The following ZCCHC7 variants were observed in gnomAD, a reference collection of about 807,000 sequenced individuals.
The protein encoded by ZCCHC7 is zinc finger CCHC-type containing 7.
Under a neutral mutation model 52.0 loss-of-function variants are expected in ZCCHC7, and 35 were observed. That is an observed-to-expected ratio of 0.67 (90% confidence interval 0.51 to 0.89). The LOEUF (loss-of-function observed/expected upper bound fraction) is 0.89, where lower values mean the gene tolerates loss of function less well. ZCCHC7 is among the 40% of genes least tolerant of loss of function. The pLI is 0.00. For missense variants in ZCCHC7, 574 were observed against 649.1 expected (o/e 0.88, Z 1.26); for synonymous variants, 217 against 221.5 (o/e 0.98, Z 0.18).
intron 2 of ZCCHC7, among the ~76,000 whole-genome samples, chr9:37,138,431 A>G (rs1033813101): frequency 1.3e-5 from 2 of 152,178 alleles, no homozygotes; most frequent in Non-Finnish European, 2.9e-5. Context: ...GATCAGCAAC[A>G]TAGGGAGGCA....
intron 2 of ZCCHC7, among the ~76,000 whole-genome samples, chr9:37,212,026 C>CAAAAAAAAAAAAAAAAAAAAAAAAAAAA (rs574190937): frequency 1.8e-5 from 1 of 55,426 alleles, no homozygotes; most frequent in African/African-American, 6.2e-5. Flanking sequence ...GACTCCGTCT[C>CAAAAAAAAAAAAAAAAAAAAAAAAAAAA]AAAAAAAAAA....
At chr9:37,175,719 C>T (rs1821986175) in intron 2 of ZCCHC7, among the ~76,000 whole-genome samples, 1 of 152,118 alleles carries the variant, frequency 6.6e-6, no homozygotes, top group Non-Finnish European at 1.5e-5. Flanking sequence ...CCAGCCTGGA[C>T]AACAGAGTGA....
intron 2 of ZCCHC7, among the ~76,000 whole-genome samples, chr9:37,209,046 AT>A (rs1389275149): frequency 9.5e-5 from 14 of 147,208 alleles, no homozygotes; most frequent in Admixed American, 1.4e-4. Flanking sequence ...TACAACCGCA[AT>A]TTTTTTTTTT....
At chr9:37,132,886 C>T (rs373057175) in intron 2 of ZCCHC7, among the ~76,000 whole-genome samples, 6 of 152,324 alleles carry the variant, frequency 3.9e-5, no homozygotes, top group Admixed American at 2.6e-4. Flanking sequence ...CGCCTGTAAT[C>T]CCGGCACTTT....
At chr9:37,336,340 C>G (rs1830657293) in intron 6 of ZCCHC7, among the ~76,000 whole-genome samples, 1 of 152,144 alleles carries the variant, frequency 6.6e-6, no homozygotes, top group African/African-American at 2.4e-5. Flanking sequence ...ATGTTTGTTC[C>G]TTGTTTTAAG....
chr9:37,127,082 A>C, intron 2 of ZCCHC7, 140 bp downstream of exon 2: 1 of 1,001,402 alleles, frequency 1.0e-6, no homozygotes, highest in South Asian at 1.6e-5. Flanking sequence ...TTCTCATGCG[A>C]CTCTCTTACC....
chr9:37,289,837 T>A (rs1214874713), intron 2 of ZCCHC7, among the ~76,000 whole-genome samples: 1 of 152,238 alleles, frequency 6.6e-6, no homozygotes, highest in Non-Finnish European at 1.5e-5. Flanking sequence ...CTCCGGTTCC[T>A]TAAACACATC....
At chr9:37,139,906 A>G (rs77875457) in intron 2 of ZCCHC7, among the ~76,000 whole-genome samples, 12,959 of 151,922 alleles carry the variant, frequency 0.085, 759 homozygotes, top group Middle Eastern at 0.16. Context: ...ACTCTTGAAA[A>G]CTTTTCAATA....
chr9:37,151,952 G>C (rs1227446422), intron 2 of ZCCHC7, among the ~76,000 whole-genome samples: 2 of 152,042 alleles, frequency 1.3e-5, no homozygotes, highest in Admixed American at 1.3e-4. Flanking sequence ...TTTTGGCATT[G>C]TATTTCCTCA....
intron 2 of ZCCHC7, among the ~76,000 whole-genome samples, chr9:37,170,960 A>T (rs1821695523): frequency 6.6e-6 from 1 of 152,224 alleles, no homozygotes; most frequent in African/African-American, 2.4e-5. Flanking sequence ...TAGAAAAACC[A>T]GGGAGTTTTT....
intron 2 of ZCCHC7, among the ~76,000 whole-genome samples, chr9:37,234,505 G>A (rs1041885040): frequency 2.0e-5 from 3 of 152,210 alleles, no homozygotes; most frequent in Non-Finnish European, 2.9e-5. Flanking sequence ...TTGGATGGGT[G>A]TGAATGGTGT....
At chr9:37,355,760 A>T (rs1291071397) in intron 8 of ZCCHC7, among the ~76,000 whole-genome samples, 1 of 152,210 alleles carries the variant, frequency 6.6e-6, no homozygotes, top group African/African-American at 2.4e-5. Context: ...TGTATTTTCA[A>T]TCCTCATTTG....
At chr9:37,183,219 A>G (rs1315974384) in intron 2 of ZCCHC7, among the ~76,000 whole-genome samples, 2 of 152,162 alleles carry the variant, frequency 1.3e-5, no homozygotes, top group African/African-American at 4.8e-5. Context: ...ACATCTCTTT[A>G]TTTAATACAT....
intron 6 of ZCCHC7, among the ~76,000 whole-genome samples, chr9:37,342,146 G>A (rs1416047466): frequency 6.6e-6 from 1 of 152,168 alleles, no homozygotes; most frequent in Non-Finnish European, 1.5e-5. Flanking sequence ...ATTGGACCAG[G>A]ACAGTACTGG....
chr9:37,326,398 T>A (rs1342140540), intron 5 of ZCCHC7, among the ~76,000 whole-genome samples: 5 of 151,770 alleles, frequency 3.3e-5, no homozygotes, highest in Admixed American at 1.3e-4. Context: ...TGGGTTTTTT[T>A]AGTAAGACAC....
intron 2 of ZCCHC7, among the ~76,000 whole-genome samples, chr9:37,226,874 C>T (rs995476956): frequency 2.0e-5 from 3 of 151,704 alleles, no homozygotes; most frequent in Admixed American, 6.6e-5. Context: ...ACTAAAAATC[C>T]AAAAATTAGC....
At chr9:37,225,879 C>G (rs1825072770) in intron 2 of ZCCHC7, among the ~76,000 whole-genome samples, 1 of 152,204 alleles carries the variant, frequency 6.6e-6, no homozygotes, top group South Asian at 2.1e-4. Context: ...GAAGACAAGA[C>G]AGTCCCTTCT....
In ZCCHC7 at chr9:37,327,962, C is replaced by T. The variant is rs1054762925; in HGVS notation, c.987+128C>T. 3.6e-5 allele frequency: 35 copies of T among 967,064 alleles called. No homozygotes were observed. In the East Asian group the frequency reaches 4.1e-4, roughly 11 times the overall value. 59.9% of individuals were successfully genotyped at this position (967,064 alleles called of 1,614,324 possible). On this transcript the variant is annotated intron_variant, in intron 6 of 8. Coordinates refer to ENST00000336755, the MANE Select transcript of ZCCHC7 (RefSeq NM_032226.3). ...AATAAACATCTGAAGAGTTTTTGTACGGAGAAAGCAATAATACACTTTTTC... is the reference window on the plus strand; with the variant it reads ...AATAAACATCTGAAGAGTTTTTGTATGGAGAAAGCAATAATACACTTTTTC...
At chr9:37,223,731 T>C (rs1366363532) in intron 2 of ZCCHC7, among the ~76,000 whole-genome samples, 1 of 152,072 alleles carries the variant, frequency 6.6e-6, no homozygotes, top group Non-Finnish European at 1.5e-5. Flanking sequence ...TAAGGAATAA[T>C]AGAGTGTATG....
Sources: allele counts gnomAD v4.1 joint callset (sites outside exome capture counted in the v4.1 genomes callset), GRCh38; gene constraint gnomAD v4.1.1; transcripts MANE v1.5; gene names NCBI Gene and HGNC (gene_info 2026-07-23, HGNC 2026-07-21).